Variants in ABCB4 observed in about 807,000 individuals in gnomAD.
The protein encoded by ABCB4 is ATP binding cassette subfamily B member 4.
In ABCB4, 76 loss-of-function variants were observed where a neutral mutation model predicts 145.7. That is an observed-to-expected ratio of 0.52 (90% confidence interval 0.43 to 0.63). The LOEUF is 0.63. Among genes scored for constraint, ABCB4 ranks in the 30% least tolerant of loss-of-function variants. The pLI is 0.00. For synonymous variants in ABCB4, 517 were observed against 566.8 expected (o/e 0.91, Z 1.25); for missense variants, 1,234 against 1,553.1 (o/e 0.79, Z 3.45).
At chr7:87,402,922 C>A (rs1807904107) in intron 27 of ABCB4, among the ~76,000 whole-genome samples, 1 of 152,154 alleles carries the variant, frequency 6.6e-6, no homozygotes, top group Admixed American at 6.5e-5. Context: ...TCGCTTGAAC[C>A]CTGGAGGCAG....
At chr7:87,464,480 G>A (rs1428819215) in intron 3 of ABCB4, among the ~76,000 whole-genome samples, 1 of 152,190 alleles carries the variant, frequency 6.6e-6, no homozygotes, top group Admixed American at 6.5e-5. Flanking sequence ...CAGAACACTT[G>A]AGTCTGTCAG....
downstream of ABCB4, among the ~76,000 whole-genome samples, chr7:87,397,845 A>G (rs1807590514): frequency 2.6e-5 from 4 of 152,218 alleles, no homozygotes; most frequent in Non-Finnish European, 5.9e-5. Flanking sequence ...TTCCAGAAGC[A>G]TTACATTGCA....
the ABCB4 span, among the ~76,000 whole-genome samples, chr7:87,394,501 G>A: frequency 1.3e-5 from 2 of 151,482 alleles, no homozygotes; most frequent in Non-Finnish European, 2.9e-5. Flanking sequence ...ATTGAGATCT[G>A]TAGCTGCATT....
At chr7:87,400,124 CCCTTGAGG>C (rs1807717148), downstream of ABCB4, among the ~76,000 whole-genome samples, 1 of 152,106 alleles carries the variant, frequency 6.6e-6, no homozygotes, top group African/African-American at 2.4e-5. Context: ...AGGTGAAGGT[CCCTTGAGG>C]CCTAGGCCCT....
At chr7:87,466,303 T>C (rs955250355) in intron 3 of ABCB4, among the ~76,000 whole-genome samples, 12 of 152,060 alleles carry the variant, frequency 7.9e-5, no homozygotes, top group African/African-American at 2.7e-4. Flanking sequence ...GTATCAGTGA[T>C]TGAAGATCAA....
chr7:87,376,537 C>A, the ABCB4 span, among the ~76,000 whole-genome samples: 1 of 151,444 alleles, frequency 6.6e-6, no homozygotes, highest in Non-Finnish European at 1.5e-5. Flanking sequence ...ATCTCATAGT[C>A]TTTTGAAAAT....
chr7:87,461,912 T>C (rs767929742), intron 4 of ABCB4, among the ~76,000 whole-genome samples: 13 of 152,332 alleles, frequency 8.5e-5, no homozygotes, highest in Middle Eastern at 3.4e-3. Flanking sequence ...TTTTCTTACA[T>C]ATCTTTGCTA....
chr7:87,471,687 C>G (rs1035603656), intron 3 of ABCB4, among the ~76,000 whole-genome samples: 1 of 152,182 alleles, frequency 6.6e-6, no homozygotes, highest in Non-Finnish European at 1.5e-5. Context: ...GTTTGAAACA[C>G]GTCATATTTA....
the ABCB4 span, chr7:87,392,644 G>A: frequency 1.2e-6 from 2 of 1,612,424 alleles, no homozygotes; most frequent in African/African-American, 2.7e-5. Context: ...AGCTGGAAAA[G>A]GTACTTAAGT....
At chr7:87,379,764 C>T in the ABCB4 span, among the ~76,000 whole-genome samples, 1 of 152,134 alleles carries the variant, frequency 6.6e-6, no homozygotes. Flanking sequence ...TCCCTTCTAA[C>T]CTAAGATGAT....
At chr7:87,397,210 G>A (rs1252019701), downstream of ABCB4, among the ~76,000 whole-genome samples, 5 of 152,020 alleles carry the variant, frequency 3.3e-5, no homozygotes, top group Admixed American at 6.6e-5. Flanking sequence ...AAATTAGCTG[G>A]TGTGGTAGCA....
chr7:87,432,625 A>G (rs1257166862), intron 14 of ABCB4, among the ~76,000 whole-genome samples: 1 of 152,230 alleles, frequency 6.6e-6, no homozygotes, highest in Non-Finnish European at 1.5e-5. Flanking sequence ...CAGTCACAAA[A>G]GATGACACAT....
chr7:87,470,026 G>A (rs1295263442), intron 3 of ABCB4, among the ~76,000 whole-genome samples: 2 of 152,164 alleles, frequency 1.3e-5, no homozygotes, highest in Non-Finnish European at 2.9e-5. Context: ...CAGAGATATA[G>A]ACCAATGGAA....
intron 3 of ABCB4, among the ~76,000 whole-genome samples, chr7:87,470,033 G>A (rs1813248805): frequency 6.6e-6 from 1 of 152,092 alleles, no homozygotes; most frequent in Non-Finnish European, 1.5e-5. Flanking sequence ...ATAGACCAAT[G>A]GAACAGAACA....
At chr7:87,384,300 G>A in the ABCB4 span, among the ~76,000 whole-genome samples, 1 of 152,166 alleles carries the variant, frequency 6.6e-6, no homozygotes, top group South Asian at 2.1e-4. Context: ...GGGAGGCCGA[G>A]GTGGGCAGAT....
chr7:87,458,569 C>G (rs1812253160), intron 4 of ABCB4, among the ~76,000 whole-genome samples: 1 of 152,144 alleles, frequency 6.6e-6, no homozygotes. Context: ...GTTCCCAACC[C>G]CCATGATTTT....
the ABCB4 span, among the ~76,000 whole-genome samples, chr7:87,373,742 G>A: frequency 1.3e-5 from 2 of 151,942 alleles, no homozygotes; most frequent in African/African-American, 2.4e-5. Flanking sequence ...AGAAGTAGAC[G>A]AGATTACCAA....
At chr7:87,463,009 T>A in intron 3 of ABCB4, 101 bp from the exon 4 acceptor site, 1 of 1,078,302 alleles carries the variant, frequency 9.3e-7, no homozygotes, top group Non-Finnish European at 1.4e-6. Flanking sequence ...AGTACTTTTT[T>A]AAGAGTTGTA....
chr7:87,443,077 T>C (rs1811092172), intron 12 of ABCB4, among the ~76,000 whole-genome samples: 1 of 152,222 alleles, frequency 6.6e-6, no homozygotes, highest in East Asian at 1.9e-4. Flanking sequence ...ATTTAATGTG[T>C]TATGAAAGCT....
Sources: allele counts gnomAD v4.1 joint callset (sites outside exome capture counted in the v4.1 genomes callset), GRCh38; gene constraint gnomAD v4.1.1; transcripts MANE v1.5; gene names NCBI Gene and HGNC (gene_info 2026-07-23, HGNC 2026-07-21).